The following SLC5A8 variants were observed in gnomAD, a reference collection of about 807,000 sequenced individuals.
SLC5A8 encodes sodium-coupled monocarboxylate transporter 1.
Under a neutral mutation model 71.9 loss-of-function variants are expected in SLC5A8, and 55 were observed. That is an observed-to-expected ratio of 0.77 (90% CI 0.62 to 0.96). The LOEUF (loss-of-function observed/expected upper bound fraction) is 0.96. Ranked by LOEUF, SLC5A8 falls within the 40% of genes least tolerant of loss-of-function variation. The pLI is 0.00. For missense variants in SLC5A8, 701 were observed against 745.3 expected (o/e 0.94, Z 0.69); for synonymous variants, 307 against 276.1 (o/e 1.11, Z -1.11).
Position 101,157,857 on chromosome 12 carries a change from T to C in SLC5A8, c.1710+392A>G, listed in dbSNP as rs192538234. Among the ~76,000 whole-genome samples the C allele has an allele frequency of 1.5e-4, 23 of 152,150 alleles. No individual in the cohort carries two copies. In the East Asian group the frequency reaches 4.5e-3, roughly 29 times the overall value. ...AGAATAGAGGGATATACAACAGATATAGGTTATCAGAGGATAGAGAGAGAT... is the reference window on the plus strand; with the variant it reads ...AGAATAGAGGGATATACAACAGATACAGGTTATCAGAGGATAGAGAGAGAT... On this transcript the variant is annotated intron_variant, in intron 14 of 14. Transcript: ENST00000536262.
At position 101,158,329 on chromosome 12, in the gene SLC5A8, C is replaced by A; in HGVS notation, c.1631-1G>T. On this transcript the variant is annotated splice_acceptor_variant, in intron 13 of 14. Transcript: ENST00000536262. LOFTEE classifies it high-confidence loss of function. ...GGGTCTAAGTTCTGTTTTCTTCCTC[C>A]TGGAAAAAAAAATGTACATGACTTA... 1 of 1,569,036 alleles carries A rather than the reference C, an allele frequency of 6.4e-7. No homozygotes were observed. Among genetic ancestry groups the A allele is most frequent in the South Asian group, 1.2e-5 (1 of 86,148 alleles).
At chr12:101,207,296 CAT>C (rs776050423) in intron 1 of SLC5A8, among the ~76,000 whole-genome samples, 2 of 152,194 alleles carry the variant, frequency 1.3e-5, no homozygotes, top group Non-Finnish European at 2.9e-5. Context: ...TGCTGCTAGG[CAT>C]ATGTCTACGC....
Position 101,156,235 on chromosome 12 carries a change from A to C in SLC5A8, c.*1044T>G, listed in dbSNP as rs959134503. 1 of 152,216 alleles carries C rather than the reference A, an allele frequency of 6.6e-6. No individual in the cohort carries two copies. Among genetic ancestry groups the C allele is most frequent in the Non-Finnish European group, 1.5e-5 (1 of 68,038 alleles). The allele number at this position is 152,216 out of a possible 1,614,324, so 9.4% of individuals were successfully genotyped here. On this transcript the variant is annotated 3_prime_UTR_variant, in exon 15 of 15. Coordinates refer to ENST00000536262, the MANE Select transcript of SLC5A8 (RefSeq NM_145913.5). ...AAAATTTCTAGGCATATGTATCTTT[A>C]ATTGATTGCAAATTAGTTGACATTC...
At chr12:101,206,762 A>T (rs1212841942) in intron 1 of SLC5A8, among the ~76,000 whole-genome samples, 4 of 152,234 alleles carry the variant, frequency 2.6e-5, no homozygotes, top group Non-Finnish European at 5.9e-5. Context: ...AAAGAAACAT[A>T]AGGTCTAAGC....
chr12:101,176,263 A>G (rs940898885), intron 10 of SLC5A8, among the ~76,000 whole-genome samples: 2 of 152,092 alleles, frequency 1.3e-5, no homozygotes, highest in Non-Finnish European at 2.9e-5. Flanking sequence ...GGCACATTAT[A>G]TAATAACAAA....
At chr12:101,158,590 CTCTCTCTCTATATATA>C (rs1230799885) in intron 13 of SLC5A8, among the ~76,000 whole-genome samples, 52 of 31,530 alleles carry the variant, frequency 1.6e-3, no homozygotes, top group African/African-American at 6.3e-3. Context: ...CTCTCTCTCT[CTCTCTCTCTATATATA>C]TATATATATA....
rs778287091 is a variant in SLC5A8 at position 101,184,182 on chromosome 12, G to A, written c.1004C>T (p.Pro335Leu). The A allele has an allele frequency of 1.9e-6, 3 of 1,613,994 alleles. No individual in the cohort carries two copies. In the Admixed American group the frequency reaches 5.0e-5, roughly 27 times the overall value. Residue 335 changes from proline (P) to leucine (L), a missense_variant, in exon 8 of 15, where the codon CCA becomes CTA. By Grantham distance (98) the Pro-to-Leu change is moderately conservative. Coordinates refer to ENST00000536262, the MANE Select transcript of SLC5A8 (RefSeq NM_145913.5). ...GGCCACAAAAAGTCCAGGAAGTCCT[G>A]GATAATCTTGCAGAATGTCCAGTAC... ...YLVLDILQDY[P>L]GLPGLFVACA...
chr12:101,161,390 GTTCTAT>G (rs2051722087), intron 13 of SLC5A8, among the ~76,000 whole-genome samples: 1 of 151,888 alleles, frequency 6.6e-6, no homozygotes. Flanking sequence ...CAAGATAACC[GTTCTAT>G]AGCAATCCCA....
At chr12:101,170,598 C>A (rs1434971598) in intron 10 of SLC5A8, among the ~76,000 whole-genome samples, 2 of 152,172 alleles carry the variant, frequency 1.3e-5, no homozygotes, top group Admixed American at 1.3e-4. Context: ...AAATCCTGTT[C>A]TCTCTCTAGA....
intron 8 of SLC5A8, 120 bp from the exon 9 acceptor site, chr12:101,183,035 CTTTTTTTT>C (rs34182928): frequency 1.3e-4 from 10 of 74,584 alleles, no homozygotes; most frequent in East Asian, 5.8e-4. Flanking sequence ...TTCTACTATG[CTTTTTTTT>C]TTTTTTTTTT....
chr12:101,158,596 CTCTATATATATATATATATATA>C (rs1323975087), intron 13 of SLC5A8, among the ~76,000 whole-genome samples: 11 of 17,704 alleles, frequency 6.2e-4, no homozygotes, highest in African/African-American at 2.9e-3. Context: ...CTCTCTCTCT[CTCTATATATATATATATATATA>C]TATATATATA....
intron 13 of SLC5A8, among the ~76,000 whole-genome samples, chr12:101,158,777 A>G (rs2051699176): frequency 6.6e-6 from 1 of 150,646 alleles, no homozygotes; most frequent in African/African-American, 2.4e-5. Flanking sequence ...TAAAATATCA[A>G]ACCATCTGCC....
Position 101,157,399 on chromosome 12 carries a change from C to T in SLC5A8, c.1713G>A (p.Lys571=). The T allele has an allele frequency of 6.3e-7, 1 of 1,590,404 alleles. No individual in the cohort carries two copies. The highest frequency in any genetic ancestry group is 8.6e-7 in the Non-Finnish European group (1 of 1,167,316). The change falls in exon 15 of 15, where the codon AAG becomes AAA. Residue 571 remains lysine, a splice_region_variant and synonymous_variant. Coordinates refer to ENST00000536262, the MANE Select transcript of SLC5A8 (RefSeq NM_145913.5). ...FLSNFDIFKK[K]KHVLSYKSHP... ...GTGATTTATAGCTCAAAACATGCTT[C>T]TTCTAAAAGAAAATGTTAACATGGT...
intron 12 of SLC5A8, among the ~76,000 whole-genome samples, 193 bp downstream of exon 12, chr12:101,166,301 T>C (rs2051769157): frequency 6.6e-6 from 1 of 152,206 alleles, no homozygotes; most frequent in Non-Finnish European, 1.5e-5. Context: ...AAGGCAGAAA[T>C]TTCTAGAGAA....
intron 12 of SLC5A8, among the ~76,000 whole-genome samples, chr12:101,165,769 C>T (rs2051764073): frequency 6.6e-6 from 1 of 152,128 alleles, no homozygotes; most frequent in Non-Finnish European, 1.5e-5. Flanking sequence ...GATGTCATTC[C>T]AGATAAGCTG....
At chr12:101,183,476 T>G (rs1298939579) in intron 8 of SLC5A8, among the ~76,000 whole-genome samples, 1 of 152,232 alleles carries the variant, frequency 6.6e-6, no homozygotes, top group Admixed American at 6.5e-5. Context: ...TTCCACTTGC[T>G]GTTAATCCTC....
intron 13 of SLC5A8, among the ~76,000 whole-genome samples, chr12:101,161,039 A>C (rs998703939): frequency 3.3e-5 from 5 of 152,234 alleles, no homozygotes; most frequent in African/African-American, 9.6e-5. Flanking sequence ...GGACACACAC[A>C]AAGTGTCAGC....
At chr12:101,186,561 A>C (rs1868654407) in intron 7 of SLC5A8, among the ~76,000 whole-genome samples, 1 of 152,152 alleles carries the variant, frequency 6.6e-6, no homozygotes, top group African/African-American at 2.4e-5. Flanking sequence ...AATAAATGGC[A>C]CAGAGGTTCA....
intron 13 of SLC5A8, among the ~76,000 whole-genome samples, chr12:101,160,890 A>G (rs1205777707): frequency 6.6e-6 from 1 of 152,220 alleles, no homozygotes; most frequent in Non-Finnish European, 1.5e-5. Flanking sequence ...CAGAGAGAGA[A>G]CACAGAAAAT....
Sources: allele counts gnomAD v4.1 joint callset (sites outside exome capture counted in the v4.1 genomes callset), GRCh38; gene constraint gnomAD v4.1.1; transcripts MANE v1.5; gene names NCBI Gene and HGNC (gene_info 2026-07-23, HGNC 2026-07-21).